TMEM87B: variants seen among roughly 807,000 people sequenced by gnomAD.
The protein encoded by TMEM87B is transmembrane protein 87B.
In TMEM87B, 83 loss-of-function variants were observed where a neutral mutation model predicts 80.3. The observed-to-expected ratio is 1.03, with a 90% CI of 0.87 to 1.24. The LOEUF is 1.24. Ranked by LOEUF, TMEM87B falls within the 50% of genes most tolerant of loss-of-function variation. The pLI, the probability that TMEM87B is intolerant of heterozygous loss-of-function variation, is 0.00. For missense variants in TMEM87B, 625 were observed against 674.4 expected (o/e 0.93, Z 0.81); for synonymous variants, 219 against 230.5 (o/e 0.95, Z 0.45).
chr2:112,063,112 G>A (rs1573680421), intron 2 of TMEM87B, among the ~76,000 whole-genome samples: 1 of 152,202 alleles, frequency 6.6e-6, no homozygotes, highest in African/African-American at 2.4e-5. Flanking sequence ...GTCTCCCAGT[G>A]ATCCTTGCTT....
At position 112,091,706 on chromosome 2, in the gene TMEM87B, T is replaced by C. The variant is rs1370919323; in HGVS notation, c.1033-6T>C. The C allele has an allele frequency of 2.5e-6, 4 of 1,606,718 alleles. No individual in the cohort carries two copies. The highest frequency in any genetic ancestry group is 2.6e-6 in the Non-Finnish European group (3 of 1,175,244). ...TCAGGTTTCTTCCCTTATTTTTATC[T>C]TTCAGGGTTCTAACCATTTAGCTGT... is the stretch of plus-strand genomic sequence containing the variant. On this transcript the variant is annotated splice_polypyrimidine_tract_variant and splice_region_variant and intron_variant, in intron 10 of 18. Coordinates refer to ENST00000283206, the MANE Select transcript of TMEM87B (RefSeq NM_032824.3).
At chr2:112,068,444 C>T (rs1678506173) in intron 4 of TMEM87B, among the ~76,000 whole-genome samples, 1 of 152,212 alleles carries the variant, frequency 6.6e-6, no homozygotes. Context: ...ATGGCTCGCA[C>T]CCATAATCTC....
chr2:112,055,422 T>G lies in TMEM87B; in HGVS notation c.-170T>G. The G allele has an allele frequency of 4.0e-6, 3 of 742,616 alleles. No homozygotes were observed. The highest frequency in any genetic ancestry group is 6.0e-6 in the Non-Finnish European group (3 of 498,840). The allele number at this position is 742,616 out of a possible 1,614,324, so 46.0% of individuals were successfully genotyped here. A position where few individuals can be genotyped will look rare whatever the true frequency, so the allele number is the denominator to read the frequency against. On this transcript the variant is annotated 5_prime_UTR_variant, in exon 1 of 19. Transcript: ENST00000283206. The stretch of plus-strand genomic sequence containing the variant: ...CCCTGCCTCCCGGTCCTGGCCGGGT[T>G]TCCCAGAACTGCACGGCGCCTCTCC...
intron 2 of TMEM87B, 99 bp from the exon 3 acceptor site, chr2:112,064,063 A>G: frequency 4.2e-6 from 4 of 963,160 alleles, no homozygotes; most frequent in East Asian, 2.4e-5. Flanking sequence ...TCATTGTTAC[A>G]TTAAAGTAGC....
chr2:112,094,005 G>T (rs187181784), intron 11 of TMEM87B, among the ~76,000 whole-genome samples: 27 of 152,170 alleles, frequency 1.8e-4, no homozygotes, highest in Non-Finnish European at 2.9e-5. Context: ...ATTCAATTTA[G>T]AATTGTCTTG....
In TMEM87B at chr2:112,098,706, A is replaced by C; in HGVS notation, c.1376+8A>C. 1 of 1,612,884 alleles carries C rather than the reference A, an allele frequency of 6.2e-7. No individual in the cohort carries two copies. Among genetic ancestry groups the C allele is most frequent in the Non-Finnish European group, 8.5e-7 (1 of 1,178,978 alleles). ...ATCAGCAAACAATCAGAGGTACCTA[A>C]CATAGGAAATTTCAAGTCGTCAAGG... On this transcript the variant is annotated splice_region_variant and intron_variant, in intron 14 of 18. Coordinates refer to ENST00000283206, the MANE Select transcript of TMEM87B (RefSeq NM_032824.3).
At chr2:112,097,354 C>T in intron 13 of TMEM87B, 63 bp downstream of exon 13, 2 of 1,338,862 alleles carry the variant, frequency 1.5e-6, no homozygotes, top group Non-Finnish European at 2.1e-6. Flanking sequence ...GAATTTTGAA[C>T]AATTTAGTTT....
chr2:112,100,244 G>A (rs904366736), intron 14 of TMEM87B, among the ~76,000 whole-genome samples: 4 of 152,168 alleles, frequency 2.6e-5, no homozygotes, highest in African/African-American at 9.7e-5. Flanking sequence ...CATTCAGTGG[G>A]CTTTATTTTC....
At chr2:112,094,714 A>C (rs969647316) in intron 11 of TMEM87B, among the ~76,000 whole-genome samples, 1 of 152,200 alleles carries the variant, frequency 6.6e-6, no homozygotes, top group South Asian at 2.1e-4. Context: ...TTTATAATGA[A>C]AATGTTTCAG....
chr2:112,097,066 C>G lies in TMEM87B; in HGVS notation c.1127C>G (p.Thr376Ser). ...CACATTTTTATTAGTTTGGCACAAA[C>G]TATGAAGACCCTAAGGCTAAGAAAG... ...VWFIFISLAQTMKTLRLRKNT... is the reference protein window; with the variant it reads ...VWFIFISLAQSMKTLRLRKNT... The change falls in exon 12 of 19, where the codon ACT (threonine) becomes AGT (serine). Residue 376 changes from threonine to serine, a missense_variant. Thr to Ser is a moderately conservative substitution (Grantham distance 58). Transcript: ENST00000283206. 1 of 1,597,658 alleles carries G rather than the reference C, an allele frequency of 6.3e-7. No homozygotes were observed.
chr2:112,117,529 TC>T lies in TMEM87B; in HGVS notation c.*1387del, dbSNP rs997934614. On this transcript the variant is annotated 3_prime_UTR_variant, in exon 19 of 19. Coordinates refer to ENST00000283206, the MANE Select transcript of TMEM87B (RefSeq NM_032824.3). Reference sequence around the variant, plus strand: ...AGTAAAGAAGATCTATTTCTGGTAGTCATATCGCTTGAAAGGTATTGGTAAA... The same window carrying T: ...AGTAAAGAAGATCTATTTCTGGTAGTATATCGCTTGAAAGGTATTGGTAAA... The T allele has an allele frequency of 2.0e-5, 3 of 152,214 alleles. No homozygotes were observed. The highest frequency in any genetic ancestry group is 4.4e-5 in the Non-Finnish European group (3 of 68,036). The allele number at this position is 152,214 out of a possible 1,614,324, so 9.4% of individuals were successfully genotyped here. A position where few individuals can be genotyped will look rare whatever the true frequency, so the allele number is the denominator to read the frequency against.
intron 4 of TMEM87B, 82 bp downstream of exon 4, chr2:112,067,149 T>A (rs1573685497): frequency 1.3e-6 from 2 of 1,538,216 alleles, no homozygotes; most frequent in African/African-American, 2.8e-5. Context: ...TTTATCGGAA[T>A]TTTGATAAAG....
intron 4 of TMEM87B, among the ~76,000 whole-genome samples, chr2:112,073,868 A>G (rs770999937): frequency 6.6e-6 from 1 of 151,534 alleles, no homozygotes; most frequent in Non-Finnish European, 1.5e-5. Flanking sequence ...GTCTTTTTTG[A>G]TTTTTGTTGG....
chr2:112,084,044 T>C (rs560254889), intron 8 of TMEM87B, among the ~76,000 whole-genome samples: 2 of 152,148 alleles, frequency 1.3e-5, no homozygotes, highest in Non-Finnish European at 2.9e-5. Context: ...ATTTAAAAAT[T>C]GAAGCTGATG....
intron 14 of TMEM87B, among the ~76,000 whole-genome samples, chr2:112,100,137 A>G (rs904711329): frequency 6.6e-6 from 1 of 152,188 alleles, no homozygotes; most frequent in Non-Finnish European, 1.5e-5. Context: ...ATGAATTTTT[A>G]CTTTAATGGC....
chr2:112,056,696 CCAAAGACTA>C (rs1678079215), intron 1 of TMEM87B, among the ~76,000 whole-genome samples: 2 of 152,114 alleles, frequency 1.3e-5, no homozygotes, highest in Non-Finnish European at 2.9e-5. Context: ...GAAAGTAGTT[CCAAAGACTA>C]CAAATACTTC....
intron 4 of TMEM87B, 132 bp from the exon 5 acceptor site, chr2:112,074,780 T>G: frequency 2.8e-4 from 316 of 1,142,076 alleles, no homozygotes; most frequent in Non-Finnish European, 3.2e-4. Context: ...TGGGATACAG[T>G]GAGATTTGTT....
At chr2:112,101,687 G>A (rs1309838344) in intron 15 of TMEM87B, among the ~76,000 whole-genome samples, 1 of 152,086 alleles carries the variant, frequency 6.6e-6, no homozygotes, top group African/African-American at 2.4e-5. Context: ...AGACATATGT[G>A]GTGTAACTTT....
intron 1 of TMEM87B, among the ~76,000 whole-genome samples, chr2:112,056,756 T>C (rs1408889181): frequency 3.9e-5 from 6 of 152,224 alleles, no homozygotes; most frequent in Non-Finnish European, 1.5e-5. Context: ...GCTGGGTATC[T>C]TTCTGGATCT....
Sources: allele counts gnomAD v4.1 joint callset (sites outside exome capture counted in the v4.1 genomes callset), GRCh38; gene constraint gnomAD v4.1.1; transcripts MANE v1.5; gene names NCBI Gene and HGNC (gene_info 2026-07-23, HGNC 2026-07-21).